The following ZNF407 variants were observed in gnomAD, a reference collection of about 807,000 sequenced individuals.
ZNF407 encodes zinc finger protein 407.
In ZNF407, 17 loss-of-function variants were observed where a neutral mutation model predicts 131.2. That is an observed-to-expected ratio of 0.13 (90% CI 0.09 to 0.19). ZNF407 has a LOEUF of 0.19. Among genes scored for constraint, ZNF407 ranks in the 10% least tolerant of loss-of-function variants. The pLI, the probability that ZNF407 is intolerant of heterozygous loss-of-function variation, is 1.00. For synonymous variants in ZNF407, 1,156 were observed against 1,062.0 expected, an observed-to-expected ratio of 1.09 and a Z score of -1.72; for missense variants, 2,681 against 2,830.6, an observed-to-expected ratio of 0.95 and a Z score of 1.20.
intron 8 of ZNF407, among the ~76,000 whole-genome samples, chr18:74,980,145 A>G (rs1021396098): frequency 3.3e-5 from 5 of 152,180 alleles, no homozygotes; most frequent in Non-Finnish European, 7.4e-5. Context: ...GCTGTTTTTA[A>G]CACTAAAATT....
chr18:74,720,053 AT>A (rs796447841), intron 3 of ZNF407, among the ~76,000 whole-genome samples: 14 of 147,926 alleles, frequency 9.5e-5, no homozygotes, highest in Admixed American at 1.3e-4. Context: ...ATCTATTTGT[AT>A]TTTTTTTTTG....
At chr18:74,723,504 C>G (rs1238641011) in intron 3 of ZNF407, among the ~76,000 whole-genome samples, 2 of 152,206 alleles carry the variant, frequency 1.3e-5, no homozygotes, top group Non-Finnish European at 2.9e-5. Flanking sequence ...AAGTCAGCTG[C>G]TTGTATCTCA....
chr18:74,661,989 T>C lies in ZNF407; in HGVS notation c.4802+20867T>C, dbSNP rs140383501. On this transcript the variant is annotated intron_variant, in intron 3 of 8. Coordinates refer to ENST00000299687, the MANE Select transcript of ZNF407 (RefSeq NM_017757.3). ...TGTGGGACATTCGCGTGCACTCTGA[T>C]CCAGCTGAGTGCCTGCCATGCGGTG... Among the ~76,000 whole-genome samples the C allele has an allele frequency of 6.2e-4, 95 of 152,228 alleles. 1 individual carries two copies. In the East Asian group the frequency reaches 0.016, roughly 26 times the overall value.
intron 3 of ZNF407, among the ~76,000 whole-genome samples, chr18:74,677,976 A>G (rs560603823): frequency 2.0e-5 from 3 of 152,026 alleles, no homozygotes; most frequent in Non-Finnish European, 4.4e-5. Context: ...ACATGCCACC[A>G]TGCCTGGCTA....
intron 3 of ZNF407, among the ~76,000 whole-genome samples, chr18:74,769,382 C>G (rs563437730): frequency 6.6e-6 from 1 of 151,508 alleles, no homozygotes; most frequent in Admixed American, 6.5e-5. Context: ...TGAGGTAGCT[C>G]TAGGCAAAGG....
chr18:74,710,610 G>T (rs1967735671), intron 3 of ZNF407, among the ~76,000 whole-genome samples: 1 of 152,030 alleles, frequency 6.6e-6, no homozygotes, highest in Admixed American at 6.5e-5. Flanking sequence ...CATGTCTGTG[G>T]GATCGTCCAC....
chr18:74,816,627 T>C (rs1970270756), intron 4 of ZNF407, among the ~76,000 whole-genome samples: 1 of 152,272 alleles, frequency 6.6e-6, no homozygotes, highest in African/African-American at 2.4e-5. Context: ...TTGTGTGTTT[T>C]AATAGAATAG....
chr18:75,060,574 C>G (rs1370981527), intron 8 of ZNF407, among the ~76,000 whole-genome samples: 1 of 139,156 alleles, frequency 7.2e-6, no homozygotes, highest in African/African-American at 2.7e-5. Flanking sequence ...GGCGCGGTCT[C>G]GGCTCACTGC....
intron 4 of ZNF407, among the ~76,000 whole-genome samples, chr18:74,808,630 C>T (rs1478781872): frequency 6.6e-6 from 1 of 152,076 alleles, no homozygotes; most frequent in African/African-American, 2.4e-5. Context: ...AAATAGAGTT[C>T]TAATGATTAT....
At chr18:74,609,924 T>C (rs1253823543) in intron 1 of ZNF407, among the ~76,000 whole-genome samples, 3 of 152,228 alleles carry the variant, frequency 2.0e-5, no homozygotes, top group Non-Finnish European at 4.4e-5. Context: ...ATGTTTTATT[T>C]GTAGATCATG....
chr18:74,641,895 G>T (rs2144690549), intron 3 of ZNF407, among the ~76,000 whole-genome samples: 1 of 152,262 alleles, frequency 6.6e-6, no homozygotes, highest in Non-Finnish European at 1.5e-5. Context: ...TGTTATGCTA[G>T]AGAAATTAAT....
intron 7 of ZNF407, among the ~76,000 whole-genome samples, chr18:74,907,949 C>T (rs763108864): frequency 3.9e-5 from 6 of 152,060 alleles, no homozygotes; most frequent in Non-Finnish European, 7.4e-5. Flanking sequence ...AGTTTTAATT[C>T]GCATTTACTT....
At chr18:75,015,214 G>A (rs1375542676) in intron 8 of ZNF407, among the ~76,000 whole-genome samples, 1 of 151,974 alleles carries the variant, frequency 6.6e-6, no homozygotes, top group Non-Finnish European at 1.5e-5. Context: ...AAATATTTTA[G>A]GGGAAAAGTC....
intron 3 of ZNF407, among the ~76,000 whole-genome samples, chr18:74,756,942 T>G (rs1379634): frequency 0.087 from 13,306 of 152,142 alleles, 782 homozygotes; most frequent in African/African-American, 0.16. Context: ...AGTAGTAATA[T>G]TCACCCTTTT....
intron 2 of ZNF407, among the ~76,000 whole-genome samples, chr18:74,637,077 T>G (rs1203938460): frequency 6.6e-6 from 1 of 152,238 alleles, no homozygotes; most frequent in Non-Finnish European, 1.5e-5. Context: ...ATAATTGATG[T>G]GTCCATTACT....
chr18:74,606,081 C>A (rs1209386711), intron 1 of ZNF407, among the ~76,000 whole-genome samples: 2 of 152,190 alleles, frequency 1.3e-5, no homozygotes, highest in Non-Finnish European at 2.9e-5. Context: ...TCACTAGCGG[C>A]GGGCCTGGGC....
intron 1 of ZNF407, among the ~76,000 whole-genome samples, chr18:74,614,429 A>T (rs1292759837): frequency 1.3e-5 from 2 of 152,234 alleles, no homozygotes; most frequent in Non-Finnish European, 2.9e-5. Flanking sequence ...TCCCTGTGTG[A>T]CAGCCGTATT....
At chr18:74,900,740 C>G in intron 7 of ZNF407, among the ~76,000 whole-genome samples, 1 of 152,184 alleles carries the variant, frequency 6.6e-6, no homozygotes, top group Non-Finnish European at 1.5e-5. Context: ...CACCTGACTC[C>G]TGCACGTATT....
intron 8 of ZNF407, among the ~76,000 whole-genome samples, chr18:74,972,692 TG>T (rs1449849529): frequency 2.0e-5 from 3 of 152,250 alleles, no homozygotes. Flanking sequence ...TTTTATGTAA[TG>T]TCATTTCTGT....
Sources: allele counts gnomAD v4.1 joint callset (sites outside exome capture counted in the v4.1 genomes callset), GRCh38; gene constraint gnomAD v4.1.1; transcripts MANE v1.5; gene names NCBI Gene and HGNC (gene_info 2026-07-23, HGNC 2026-07-21).